The following SPATA6 variants were observed in gnomAD, a reference collection of about 807,000 sequenced individuals.
SPATA6 encodes the protein spermatogenesis associated 6.
In SPATA6, 56 loss-of-function variants were observed where a neutral mutation model predicts 65.3. The observed-to-expected ratio is 0.86, with a 90% CI of 0.69 to 1.07. The LOEUF (loss-of-function observed/expected upper bound fraction) is 1.07. Ranked by LOEUF, SPATA6 falls within the 50% of genes least tolerant of loss-of-function variation. The pLI, the probability that SPATA6 is intolerant of heterozygous loss-of-function variation, is 0.00. For missense variants in SPATA6, 590 were observed against 594.8 expected, an observed-to-expected ratio of 0.99 and a Z score of 0.08; for synonymous variants, 199 against 213.2, an observed-to-expected ratio of 0.93 and a Z score of 0.58.
intron 8 of SPATA6, among the ~76,000 whole-genome samples, chr1:48,387,217 A>C (rs1649568791): frequency 6.6e-6 from 1 of 152,144 alleles, no homozygotes; most frequent in Non-Finnish European, 1.5e-5. Flanking sequence ...ACTTGCCCCC[A>C]TGATTCAATT....
At chr1:48,351,497 A>C (rs1250493731) in intron 11 of SPATA6, among the ~76,000 whole-genome samples, 4 of 152,058 alleles carry the variant, frequency 2.6e-5, no homozygotes, top group Non-Finnish European at 4.4e-5. Context: ...CACTTTACTA[A>C]GAGTTTTTAT....
chr1:48,445,984 G>A (rs895497522), intron 3 of SPATA6, among the ~76,000 whole-genome samples: 3 of 152,210 alleles, frequency 2.0e-5, no homozygotes, highest in South Asian at 2.1e-4. Flanking sequence ...AATACATCAC[G>A]CTAGGTCCAA....
chr1:48,369,091 T>A (rs1647139397), intron 9 of SPATA6, among the ~76,000 whole-genome samples: 1 of 152,188 alleles, frequency 6.6e-6, no homozygotes, highest in Non-Finnish European at 1.5e-5. Context: ...TCAGCAGTGG[T>A]GGCTGCAGAA....
At chr1:48,427,294 A>C (rs1182707143) in intron 3 of SPATA6, among the ~76,000 whole-genome samples, 1 of 152,168 alleles carries the variant, frequency 6.6e-6, no homozygotes, top group Non-Finnish European at 1.5e-5. Context: ...CGACAGATAT[A>C]ATGCCTTAAA....
chr1:48,299,208 T>C (rs1644871168), intron 12 of SPATA6, among the ~76,000 whole-genome samples: 1 of 151,918 alleles, frequency 6.6e-6, no homozygotes, highest in Non-Finnish European at 1.5e-5. Context: ...ACTGGCCTGG[T>C]ATGGCCAGTA....
chr1:48,451,553 T>C lies in SPATA6; in HGVS notation c.237A>G (p.Glu79=). 1.2e-6 allele frequency: 2 copies of C among 1,609,172 alleles called. No homozygotes were observed. Among genetic ancestry groups the C allele is most frequent in the South Asian group, 1.1e-5 (1 of 89,612 alleles). The change falls in exon 3 of 13, where the codon GAA becomes GAG. Residue 79 remains glutamate (E), a splice_region_variant and synonymous_variant. Coordinates refer to ENST00000371847, the MANE Select transcript of SPATA6 (RefSeq NM_019073.4). The part of the protein sequence containing the change: ...VDPGDVVTQL[E]YDTAVFELIQ... ...GAATTAAAAAGTTAAAAAACTTACA[T>C]TCAAGCTGTGTAACCACATCTCCAG...
chr1:48,457,258 C>A (rs1657077085), intron 1 of SPATA6, among the ~76,000 whole-genome samples: 1 of 151,920 alleles, frequency 6.6e-6, no homozygotes, highest in South Asian at 2.1e-4. Flanking sequence ...ATGGCGAAAC[C>A]CCATCTCTAC....
At chr1:48,292,918 A>G (rs1644777940), downstream of SPATA6, among the ~76,000 whole-genome samples, 1 of 152,158 alleles carries the variant, frequency 6.6e-6, no homozygotes, top group Non-Finnish European at 1.5e-5. Context: ...TGGCTGGGGC[A>G]GCTCCACTGG....
At chr1:48,315,527 A>C (rs1645385016) in intron 11 of SPATA6, among the ~76,000 whole-genome samples, 1 of 152,192 alleles carries the variant, frequency 6.6e-6, no homozygotes, top group South Asian at 2.1e-4. Flanking sequence ...TTAGGTATTG[A>C]TGGGATGTAT....
intron 11 of SPATA6, among the ~76,000 whole-genome samples, chr1:48,334,193 C>G (rs1487114783): frequency 6.6e-6 from 1 of 151,982 alleles, no homozygotes; most frequent in Non-Finnish European, 1.5e-5. Context: ...CCAAATTCTA[C>G]CAGATGTTCA....
intron 9 of SPATA6, among the ~76,000 whole-genome samples, chr1:48,370,935 CT>C (rs1348034788): frequency 6.6e-6 from 1 of 152,134 alleles, no homozygotes; most frequent in Non-Finnish European, 1.5e-5. Context: ...AACTGACAAA[CT>C]TTCTGAGAAA....
At chr1:48,353,340 G>A (rs539391282) in intron 11 of SPATA6, among the ~76,000 whole-genome samples, 3 of 148,566 alleles carry the variant, frequency 2.0e-5, no homozygotes, top group South Asian at 2.1e-4. Context: ...AAAGAACCAC[G>A]AGTTAATACA....
intron 1 of SPATA6, among the ~76,000 whole-genome samples, chr1:48,463,719 A>T (rs1657610826): frequency 6.6e-6 from 1 of 152,182 alleles, no homozygotes; most frequent in South Asian, 2.1e-4. Flanking sequence ...TGTTCATTAA[A>T]TGTTACTCTA....
chr1:48,366,623 T>C (rs1472324769), intron 9 of SPATA6, among the ~76,000 whole-genome samples: 1 of 152,254 alleles, frequency 6.6e-6, no homozygotes, highest in African/African-American at 2.4e-5. Flanking sequence ...TTTGTATTTC[T>C]GTGTGATCGG....
chr1:48,293,556 A>G (rs796475174), downstream of SPATA6, among the ~76,000 whole-genome samples: 1 of 152,150 alleles, frequency 6.6e-6, no homozygotes, highest in African/African-American at 2.4e-5. Flanking sequence ...TGAATATCTT[A>G]TATGTTTTTC....
the SPATA6 span, among the ~76,000 whole-genome samples, chr1:48,284,859 G>T: frequency 6.6e-6 from 1 of 152,264 alleles, no homozygotes; most frequent in South Asian, 2.1e-4. Context: ...TGTATGAGGT[G>T]TCTGTCGACC....
intron 9 of SPATA6, among the ~76,000 whole-genome samples, chr1:48,374,539 A>T (rs1260914334): frequency 1.3e-5 from 2 of 152,198 alleles, no homozygotes; most frequent in Non-Finnish European, 1.5e-5. Context: ...CCAGGAAAAT[A>T]AAGCTATAAA....
intron 8 of SPATA6, among the ~76,000 whole-genome samples, chr1:48,388,375 A>C (rs976221893): frequency 9.2e-5 from 14 of 152,008 alleles, no homozygotes; most frequent in African/African-American, 3.4e-4. Flanking sequence ...AAAAATTGGA[A>C]CAAACAACTG....
At chr1:48,308,371 T>C (rs1645113634) in intron 11 of SPATA6, among the ~76,000 whole-genome samples, 1 of 152,088 alleles carries the variant, frequency 6.6e-6, no homozygotes, top group Non-Finnish European at 1.5e-5. Flanking sequence ...CCTCCCCTTT[T>C]AATTGCTATT....
Sources: gnomAD v4.1 joint callset for allele counts (sites outside exome capture counted in the v4.1 genomes callset) on GRCh38, gnomAD v4.1.1 for gene constraint, MANE v1.5 for transcripts, NCBI Gene and HGNC (gene_info 2026-07-23, HGNC 2026-07-21) for gene names.